Variants in HGSNAT observed in about 807,000 individuals in gnomAD.
HGSNAT encodes transmembrane protein 76.
In HGSNAT, 59 loss-of-function variants were observed where a neutral mutation model predicts 85.2. The ratio of observed to expected loss-of-function variants is 0.69; its 90% confidence interval spans 0.56 to 0.86. The LOEUF (loss-of-function observed/expected upper bound fraction) is 0.86, where lower values mean the gene tolerates loss of function less well. Among genes scored for constraint, HGSNAT ranks in the 40% least tolerant of loss-of-function variants. HGSNAT has a pLI of 0.00. For missense variants in HGSNAT, 756 were observed against 777.1 expected (o/e 0.97, Z 0.32); for synonymous variants, 321 against 304.5 (o/e 1.05, Z -0.56).
At chr8:43,193,990 G>A in intron 14 of HGSNAT, 147 bp downstream of exon 14, 3 of 1,403,672 alleles carry the variant, frequency 2.1e-6, no homozygotes, top group Middle Eastern at 2.6e-4. Context: ...GACAGATTGT[G>A]CAGAACCAAA....
intron 5 of HGSNAT, among the ~76,000 whole-genome samples, chr8:43,163,842 A>T (rs1288444412): frequency 6.6e-6 from 1 of 152,132 alleles, no homozygotes; most frequent in Non-Finnish European, 1.5e-5. Flanking sequence ...GTCTATTTTA[A>T]CATTTTACAT....
At chr8:43,142,044 CCTT>C (rs1802568000) in intron 1 of HGSNAT, among the ~76,000 whole-genome samples, 1 of 152,108 alleles carries the variant, frequency 6.6e-6, no homozygotes, top group African/African-American at 2.4e-5. Context: ...TCATCATCTT[CCTT>C]CTTTTTGAAA....
chr8:43,163,585 G>A (rs1803338495), intron 5 of HGSNAT, among the ~76,000 whole-genome samples: 1 of 150,824 alleles, frequency 6.6e-6, no homozygotes, highest in Admixed American at 6.6e-5. Context: ...GGAGTGCAGT[G>A]GTGCGATCTC....
chr8:43,162,854 G>A (rs1803310303), intron 5 of HGSNAT, among the ~76,000 whole-genome samples: 1 of 152,012 alleles, frequency 6.6e-6, no homozygotes, highest in Admixed American at 6.6e-5. Context: ...ATAGGCATGA[G>A]TCACCACACC....
chr8:43,185,722 C>G (rs1194625087), intron 11 of HGSNAT, among the ~76,000 whole-genome samples: 4 of 152,148 alleles, frequency 2.6e-5, no homozygotes, highest in African/African-American at 9.7e-5. Context: ...TGCCAGTTTT[C>G]AAAGGGAATG....
chr8:43,193,165 C>G (rs938024006), intron 13 of HGSNAT, among the ~76,000 whole-genome samples: 6 of 152,152 alleles, frequency 3.9e-5, no homozygotes, highest in African/African-American at 1.4e-4. Flanking sequence ...AGGCACCTGT[C>G]TGAGAGCTGT....
chr8:43,191,866 T>G (rs1243766505), intron 12 of HGSNAT, among the ~76,000 whole-genome samples: 2 of 152,118 alleles, frequency 1.3e-5, no homozygotes, highest in Non-Finnish European at 2.9e-5. Flanking sequence ...GAAGGACGTT[T>G]TAGCTGGCTC....
intron 1 of HGSNAT, among the ~76,000 whole-genome samples, chr8:43,146,621 C>T (rs1802720577): frequency 6.6e-6 from 1 of 152,184 alleles, no homozygotes; most frequent in African/African-American, 2.4e-5. Flanking sequence ...CACATCTTAG[C>T]ACTCGATGAA....
intron 11 of HGSNAT, among the ~76,000 whole-genome samples, chr8:43,188,278 A>G (rs1396261942): frequency 6.6e-6 from 1 of 152,228 alleles, no homozygotes; most frequent in Non-Finnish European, 1.5e-5. Flanking sequence ...TTTCAGGTAC[A>G]CCAATCAGAC....
chr8:43,152,666 A>C (rs1802955777), intron 2 of HGSNAT, among the ~76,000 whole-genome samples: 1 of 152,148 alleles, frequency 6.6e-6, no homozygotes, highest in South Asian at 2.1e-4. Context: ...TATGTTGCTC[A>C]GACTGGTTTG....
intron 5 of HGSNAT, among the ~76,000 whole-genome samples, chr8:43,165,970 AGCCTTACTG>A (rs2130734010): frequency 6.6e-6 from 1 of 152,288 alleles, no homozygotes; most frequent in African/African-American, 2.4e-5. Flanking sequence ...AAAATGAAAC[AGCCTTACTG>A]CTGATATGGA....
intron 5 of HGSNAT, among the ~76,000 whole-genome samples, chr8:43,162,554 A>AT (rs34568555): frequency 0.052 from 7,429 of 143,286 alleles, 209 homozygotes; most frequent in South Asian, 0.084. Context: ...TCTATTATGG[A>AT]TTTTTTTTTT....
rs1328988702 is a variant in HGSNAT at position 43,183,469 on chromosome 8, A to AT, written c.1128+1223dup. Among the ~76,000 whole-genome samples the AT allele has an allele frequency of 9.5e-3, 1,224 of 128,328 alleles. 10 individuals carry two copies. The highest frequency in any genetic ancestry group is 0.019 in the African/African-American group (662 of 34,500). The allele number at this position is 128,328 out of a possible 152,430, so 84.2% of individuals were successfully genotyped here. On this transcript the variant is annotated intron_variant, in intron 11 of 17. Coordinates refer to ENST00000379644, the MANE Select transcript of HGSNAT (RefSeq NM_152419.3). ...GGTGTGAGTCACCATGCCTGGCCTCATTTTTTTTTTTTTTCTTTTGAGAGG... is the reference window on the plus strand; with the variant it reads ...GGTGTGAGTCACCATGCCTGGCCTCATTTTTTTTTTTTTTTCTTTTGAGAGG...
At chr8:43,198,357 G>A (rs574490799) in intron 17 of HGSNAT, among the ~76,000 whole-genome samples, 4 of 140,124 alleles carry the variant, frequency 2.9e-5, no homozygotes, top group Admixed American at 7.8e-5. Context: ...GTGTGATCTC[G>A]GCTCACTGCA....
intron 11 of HGSNAT, among the ~76,000 whole-genome samples, chr8:43,189,625 A>G (rs1315396330): frequency 6.6e-6 from 1 of 152,148 alleles, no homozygotes; most frequent in Non-Finnish European, 1.5e-5. Flanking sequence ...CCACTGTCTG[A>G]CAAGCCCCAG....
rs1420862104 is a variant in HGSNAT, at chr8:43,180,640, C to T, written c.1013-1505C>T. On this transcript the variant is annotated intron_variant, in intron 10 of 17. Coordinates refer to ENST00000379644, the MANE Select transcript of HGSNAT (RefSeq NM_152419.3). ...GGCAGCCAGGCAGAGGGGCTCCTCA[C>T]ATCCCAGACGATGGGTGGCCAAGCA... is the stretch of plus-strand genomic sequence containing the variant. 6.7e-3 allele frequency: 1,423 copies of T among 211,910 alleles called. 28 individuals are homozygous for T. The highest frequency in any genetic ancestry group is 0.034 in the African/African-American group (1,317 of 39,006). 13.1% of individuals were successfully genotyped at this position (211,910 alleles called of 1,614,324 possible).
intron 1 of HGSNAT, 41 bp downstream of exon 1, chr8:43,140,655 C>A: frequency 1.9e-6 from 2 of 1,038,360 alleles, no homozygotes; most frequent in Non-Finnish European, 2.5e-6. Flanking sequence ...CGGCTACGAG[C>A]GCAGCGTCTC....
At chr8:43,194,973 A>T (rs1002435373) in intron 14 of HGSNAT, among the ~76,000 whole-genome samples, 3 of 151,632 alleles carry the variant, frequency 2.0e-5, no homozygotes, top group Admixed American at 6.6e-5. Context: ...CCAACAAAAA[A>T]TTTTTTTTCT....
rs532224959 is a variant in HGSNAT at position 43,167,011 on chromosome 8, A to T, written c.564-2162A>T. Among the ~76,000 whole-genome samples the T allele has an allele frequency of 3.3e-5, 5 of 152,338 alleles. No individual in the cohort carries two copies. In the South Asian group the frequency reaches 1.0e-3, roughly 32 times the overall value. On this transcript the variant is annotated intron_variant, in intron 5 of 17. Transcript: ENST00000379644. ...GAGGAAATAACTGCAGATGTGGTGG[A>T]AATAAAACTAGAATTAGAAGTGAAG... is the stretch of plus-strand genomic sequence containing the variant.
Sources: gnomAD v4.1 joint callset for allele counts (sites outside exome capture counted in the v4.1 genomes callset) on GRCh38, gnomAD v4.1.1 for gene constraint, MANE v1.5 for transcripts, NCBI Gene and HGNC (gene_info 2026-07-23, HGNC 2026-07-21) for gene names.